Variants in COL24A1 observed in about 807,000 individuals in gnomAD.
COL24A1 encodes the protein collagen type XXIV alpha 1 chain.
In COL24A1, 224 loss-of-function variants were observed where a neutral mutation model predicts 253.9. That is an observed-to-expected ratio of 0.88 (90% CI 0.79 to 0.99). The LOEUF (loss-of-function observed/expected upper bound fraction) is 0.99. COL24A1 is among the 50% of genes least tolerant of loss of function. The pLI, the probability that COL24A1 is intolerant of heterozygous loss-of-function variation, is 0.00. For synonymous variants in COL24A1, 685 were observed against 673.7 expected (o/e 1.02, Z -0.26); for missense variants, 2,131 against 2,068.5 (o/e 1.03, Z -0.59).
chr1:86,088,741 G>A (rs1179247236), intron 7 of COL24A1, among the ~76,000 whole-genome samples: 1 of 151,782 alleles, frequency 6.6e-6, no homozygotes, highest in Non-Finnish European at 1.5e-5. Context: ...AAATCCATAT[G>A]TATTACCTAT....
At chr1:86,149,336 C>T (rs1312569797) in intron 1 of COL24A1, among the ~76,000 whole-genome samples, 2 of 152,192 alleles carry the variant, frequency 1.3e-5, no homozygotes, top group Non-Finnish European at 1.5e-5. Context: ...AGGACCATCA[C>T]GCAAGATTAA....
At chr1:85,772,002 A>G (rs796168875) in intron 53 of COL24A1, among the ~76,000 whole-genome samples, 2,268 of 122,536 alleles carry the variant, frequency 0.019, 15 homozygotes, top group Middle Eastern at 0.03. Flanking sequence ...TCCTGTGTCC[A>G]TGTGATCTCA....
chr1:86,108,722 G>A (rs566477467), intron 5 of COL24A1, among the ~76,000 whole-genome samples: 6 of 150,318 alleles, frequency 4.0e-5, no homozygotes, highest in African/African-American at 1.5e-4. Context: ...CAGGATAATC[G>A]CTTGAACCCA....
At chr1:86,083,762 G>A (rs1047760662) in intron 7 of COL24A1, among the ~76,000 whole-genome samples, 1 of 152,128 alleles carries the variant, frequency 6.6e-6, no homozygotes, top group Non-Finnish European at 1.5e-5. Context: ...AGGTGAAGGG[G>A]CACAGTAAAC....
intron 24 of COL24A1, among the ~76,000 whole-genome samples, chr1:85,944,142 G>T (rs1261519434): frequency 3.3e-5 from 5 of 152,198 alleles, no homozygotes; most frequent in African/African-American, 4.8e-5. Flanking sequence ...ACTCACTGCA[G>T]CTTTTGTATT....
chr1:85,762,055 T>G (rs1443436162), intron 53 of COL24A1, among the ~76,000 whole-genome samples: 1 of 152,154 alleles, frequency 6.6e-6, no homozygotes, highest in Non-Finnish European at 1.5e-5. Context: ...TAAAATTAAT[T>G]AGTATTAATT....
At chr1:85,903,075 AC>A (rs1235003559) in intron 28 of COL24A1, among the ~76,000 whole-genome samples, 1 of 151,760 alleles carries the variant, frequency 6.6e-6, no homozygotes, top group Non-Finnish European at 1.5e-5. Flanking sequence ...CCTTAAAAAA[AC>A]CCATTACTTA....
At chr1:86,025,057 A>C (rs1697894158) in intron 14 of COL24A1, among the ~76,000 whole-genome samples, 1 of 152,152 alleles carries the variant, frequency 6.6e-6, no homozygotes, top group Admixed American at 6.5e-5. Flanking sequence ...AAAGAACTAT[A>C]AAGTAAAATT....
intron 52 of COL24A1, among the ~76,000 whole-genome samples, chr1:85,778,917 T>G (rs1277192818): frequency 1.3e-5 from 2 of 152,176 alleles, no homozygotes; most frequent in Non-Finnish European, 2.9e-5. Flanking sequence ...TCTAAGATTT[T>G]TATTGTTTTA....
intron 47 of COL24A1, among the ~76,000 whole-genome samples, chr1:85,798,070 G>T (rs1671016518): frequency 1.3e-5 from 2 of 151,960 alleles, no homozygotes. Context: ...GGTGGTGCAT[G>T]CCTGTAGTCC....
intron 24 of COL24A1, among the ~76,000 whole-genome samples, chr1:85,925,377 C>A (rs1343152335): frequency 6.6e-6 from 1 of 152,052 alleles, no homozygotes; most frequent in Non-Finnish European, 1.5e-5. Context: ...CAATCCTAAG[C>A]CAAAAGAACA....
chr1:86,125,469 G>T lies in COL24A1; in HGVS notation c.867C>A (p.Ser289Arg). The T allele has an allele frequency of 6.2e-7, 1 of 1,613,604 alleles. No individual in the cohort carries two copies. Among genetic ancestry groups the T allele is most frequent in the Non-Finnish European group, 8.5e-7 (1 of 1,179,772 alleles). ...AATCATTTTTTATGATATTTGGAAT[G>T]CTTTTGCCTTCAGTAAATGTATCCT... Reference protein sequence around the residue: ...LSEDTFTEGKSIPNIIKNDSE... With the variant: ...LSEDTFTEGKRIPNIIKNDSE... Residue 289 changes from serine to arginine, a missense_variant, in exon 3 of 60, where the codon AGC becomes AGA. Physicochemically the swap from Ser to Arg is moderately radical, Grantham distance 110. Transcript: ENST00000370571.
At chr1:85,989,662 G>C (rs1236242085) in intron 19 of COL24A1, among the ~76,000 whole-genome samples, 1 of 152,008 alleles carries the variant, frequency 6.6e-6, no homozygotes, top group Non-Finnish European at 1.5e-5. Flanking sequence ...TGATTTGGTG[G>C]TCTCTATTTA....
chr1:86,036,110 A>C (rs1234632991), intron 12 of COL24A1, among the ~76,000 whole-genome samples: 1 of 152,090 alleles, frequency 6.6e-6, no homozygotes, highest in African/African-American at 2.4e-5. Context: ...GAAATAATTT[A>C]ATTGAATATC....
intron 22 of COL24A1, among the ~76,000 whole-genome samples, chr1:85,969,305 T>C (rs1233395522): frequency 2.6e-5 from 4 of 151,894 alleles, no homozygotes; most frequent in Non-Finnish European, 5.9e-5. Flanking sequence ...GTAAAAGCAT[T>C]TTAAGAACCA....
intron 35 of COL24A1, among the ~76,000 whole-genome samples, chr1:85,871,267 T>G (rs1255551323): frequency 6.6e-6 from 1 of 151,996 alleles, no homozygotes; most frequent in African/African-American, 2.4e-5. Context: ...CTACCAGAGG[T>G]GCAAGGAGGA....
At chr1:85,744,573 C>T in intron 57 of COL24A1, 93 bp downstream of exon 57, 1 of 1,091,766 alleles carries the variant, frequency 9.2e-7, no homozygotes, top group South Asian at 1.7e-5. Flanking sequence ...ATCAAACTAA[C>T]TATGATTTGG....
intron 7 of COL24A1, among the ~76,000 whole-genome samples, chr1:86,084,174 A>G (rs1702879880): frequency 6.6e-6 from 1 of 152,208 alleles, no homozygotes; most frequent in African/African-American, 2.4e-5. Flanking sequence ...ATAGTTATCA[A>G]AAAAAGAATC....
intron 24 of COL24A1, among the ~76,000 whole-genome samples, chr1:85,947,526 G>A (rs963353130): frequency 1.3e-5 from 2 of 152,076 alleles, no homozygotes; most frequent in African/African-American, 4.8e-5. Context: ...TTTCATGTTG[G>A]ACTTCTCCTG....
Sources: allele counts gnomAD v4.1 joint callset (sites outside exome capture counted in the v4.1 genomes callset), GRCh38; gene constraint gnomAD v4.1.1; transcripts MANE v1.5; gene names NCBI Gene and HGNC (gene_info 2026-07-23, HGNC 2026-07-21).